CXXC5: variants seen among roughly 807,000 people sequenced by gnomAD.
The protein encoded by CXXC5 is CXXC finger protein 5.
CXXC5 carries 2 observed loss-of-function variants against 17.6 expected under a neutral mutation model. That is an observed-to-expected ratio of 0.11 (90% confidence interval 0.05 to 0.36). The LOEUF (loss-of-function observed/expected upper bound fraction) is 0.36, where lower values mean the gene tolerates loss of function less well. Among genes scored for constraint, CXXC5 ranks in the 10% least tolerant of loss-of-function variants. The pLI, the probability that CXXC5 is intolerant of heterozygous loss-of-function variation, is 1.00. For synonymous variants in CXXC5, 171 were observed against 193.0 expected (o/e 0.89, Z 0.94); for missense variants, 343 against 458.3 (o/e 0.75, Z 2.30).
At chr5:139,665,445 C>T (rs1010022013) in intron 1 of CXXC5, 1 of 152,276 alleles carries the variant, frequency 6.6e-6, no homozygotes, top group Non-Finnish European at 1.5e-5. Flanking sequence ...TCAGCCCCCT[C>T]CTTTCCCAGA....
At chr5:139,679,864 G>A (rs933958449) in intron 1 of CXXC5, 2 of 152,450 alleles carry the variant, frequency 1.3e-5, no homozygotes, top group Non-Finnish European at 2.9e-5. Context: ...GTTTCACCAT[G>A]TTGTCCAGGG....
chr5:139,656,917 G>T (rs1279176742), intron 1 of CXXC5, among the ~76,000 whole-genome samples: 1 of 152,084 alleles, frequency 6.6e-6, no homozygotes, highest in Non-Finnish European at 1.5e-5. Context: ...TAGACATGGG[G>T]TTTCTCCATG....
At chr5:139,678,633 C>A (rs1252335928) in intron 1 of CXXC5, among the ~76,000 whole-genome samples, 2 of 152,198 alleles carry the variant, frequency 1.3e-5, no homozygotes, top group African/African-American at 4.8e-5. Flanking sequence ...GGGAAGCCCC[C>A]CCTCCCCCCC....
intron 1 of CXXC5, among the ~76,000 whole-genome samples, chr5:139,654,106 C>G (rs1256649019): frequency 6.6e-6 from 1 of 152,196 alleles, no homozygotes; most frequent in East Asian, 1.9e-4. Flanking sequence ...GTACCCTCAC[C>G]TGGGGCTCCT....
In CXXC5 at chr5:139,661,341, C is replaced by T. The variant is rs1339527588; in HGVS notation, c.-161+12496C>T. 2.0e-5 allele frequency among the ~76,000 whole-genome samples: 3 copies of T among 152,136 alleles called. No homozygotes were observed. The highest frequency in any genetic ancestry group is 4.4e-5 in the Non-Finnish European group (3 of 68,018). On this transcript the variant is annotated intron_variant, in intron 1 of 2. Coordinates refer to ENST00000302517, the MANE Select transcript of CXXC5 (RefSeq NM_016463.9). The surrounding 1 kb of genome is among the most constrained non-coding windows in gnomAD (Gnocchi z 4.7). ...AGAGTGCACACTCACGCACCCCACA[C>T]GCGGCACACCCAGGCACACACTTAG...
At chr5:139,675,459 A>T (rs563140737) in intron 1 of CXXC5, 6 of 152,264 alleles carry the variant, frequency 3.9e-5, no homozygotes, top group African/African-American at 1.4e-4. Context: ...GGCCCTGGGC[A>T]TCTCCAAGTG....
intron 1 of CXXC5, chr5:139,675,474 AG>A (rs1248858163): frequency 6.6e-6 from 1 of 152,188 alleles, no homozygotes; most frequent in Non-Finnish European, 1.5e-5. Flanking sequence ...CAAGTGCCCC[AG>A]GTGGGGGCAC....
At chr5:139,682,611 T>G (rs916320925) in intron 2 of CXXC5, among the ~76,000 whole-genome samples, 4 of 152,176 alleles carry the variant, frequency 2.6e-5, no homozygotes, top group Admixed American at 6.5e-5. Flanking sequence ...GGGAAGGGAC[T>G]TCTTCTCTGG....
Position 139,681,399 on chromosome 5 carries a change from AT to A in CXXC5, c.878del (p.Phe293SerfsTer18). On this transcript the variant is annotated frameshift_variant, in exon 2 of 3. Coordinates refer to ENST00000302517, the MANE Select transcript of CXXC5 (RefSeq NM_016463.9). LOFTEE classifies it high-confidence loss of function. ...NRKTGHQICKFRKCEELKKKP... is the reference protein window; with the variant it reads ...NRKTGHQICKXRKCEELKKKP... ...GAAAGACTGGCCATCAGATTTGCAA[AT>A]TCAGAAAATGTGAGGAACTCAAAAA... 1 of 1,588,902 alleles carries A rather than the reference AT, an allele frequency of 6.3e-7. No homozygotes were observed. Among genetic ancestry groups the A allele is most frequent in the East Asian group, 2.3e-5 (1 of 44,368 alleles).
chr5:139,657,235 GT>G (rs1443020663), intron 1 of CXXC5, among the ~76,000 whole-genome samples: 1 of 152,258 alleles, frequency 6.6e-6, no homozygotes, highest in Non-Finnish European at 1.5e-5. Context: ...GGCCTTGGGA[GT>G]TTGTGGCTTG....
At chr5:139,665,445 C>G (rs1010022013) in intron 1 of CXXC5, 4 of 152,276 alleles carry the variant, frequency 2.6e-5, no homozygotes, top group African/African-American at 4.8e-5. Flanking sequence ...TCAGCCCCCT[C>G]CTTTCCCAGA....
intron 2 of CXXC5, among the ~76,000 whole-genome samples, chr5:139,682,324 A>C (rs3836892): frequency 1.6e-5 from 2 of 125,600 alleles, no homozygotes; most frequent in Non-Finnish European, 3.3e-5. Flanking sequence ...CCCTCCCCCA[A>C]CCCCAGCCCC....
chr5:139,681,579 C>A, intron 2 of CXXC5, 132 bp downstream of exon 2: 2 of 1,150,478 alleles, frequency 1.7e-6, no homozygotes, highest in Non-Finnish European at 2.4e-6. Context: ...GTCCTTGGGG[C>A]CTGGGGGTCT....
intron 1 of CXXC5, among the ~76,000 whole-genome samples, chr5:139,660,603 T>G (rs995944000): frequency 1.3e-5 from 2 of 151,872 alleles, no homozygotes; most frequent in South Asian, 2.1e-4. Flanking sequence ...TAATGCTTGG[T>G]TTTTCGTAGC....
chr5:139,656,810 C>T (rs992284519), intron 1 of CXXC5, among the ~76,000 whole-genome samples: 1 of 152,170 alleles, frequency 6.6e-6, no homozygotes, highest in Non-Finnish European at 1.5e-5. Flanking sequence ...CTGCAACCCC[C>T]ACCTCCTGGG....
chr5:139,671,821 A>G (rs760930242), intron 1 of CXXC5, among the ~76,000 whole-genome samples: 15 of 152,174 alleles, frequency 9.9e-5, no homozygotes, highest in Non-Finnish European at 2.1e-4. Flanking sequence ...CCTTTAGCTG[A>G]AGTCTTCCTT....
At chr5:139,662,071 G>A (rs561561869) in intron 1 of CXXC5, among the ~76,000 whole-genome samples, 2 of 127,236 alleles carry the variant, frequency 1.6e-5, no homozygotes, top group South Asian at 2.5e-4. Context: ...TGGGGCATGG[G>A]GTCCTTGGGA....
chr5:139,649,599 A>G (rs1464593798), intron 1 of CXXC5: 1 of 151,468 alleles, frequency 6.6e-6, no homozygotes, highest in African/African-American at 2.4e-5. Flanking sequence ...TTTTCCATCA[A>G]AGTATCTCCC....
rs946143730 is a variant in CXXC5, at chr5:139,668,441, G to A, written c.-160-11923G>A. ...CCGGCGCCCGCCCGGGTCCCAGGCC[G>A]ACTAATTAGGCCCGGCTACCTCCCG... On this transcript the variant is annotated intron_variant, in intron 1 of 2. Coordinates refer to ENST00000302517, the MANE Select transcript of CXXC5 (RefSeq NM_016463.9). This position sits in a 1 kb window ranked among gnomAD's most constrained non-coding sequence, Gnocchi z 4.1. Among the ~76,000 whole-genome samples the A allele has an allele frequency of 2.0e-5, 3 of 151,976 alleles. No individual in the cohort carries two copies. Among genetic ancestry groups the A allele is most frequent in the Non-Finnish European group, 4.4e-5 (3 of 67,970 alleles).
Sources: allele counts gnomAD v4.1 joint callset (sites outside exome capture counted in the v4.1 genomes callset), GRCh38; gene constraint gnomAD v4.1.1; non-coding constraint Gnocchi (gnomAD v3.1); transcripts MANE v1.5; gene names NCBI Gene and HGNC (gene_info 2026-07-23, HGNC 2026-07-21).